ME3: variants seen among roughly 807,000 people sequenced by gnomAD.
The protein encoded by ME3 is NADP-dependent malic enzyme, mitochondrial.
ME3 carries 48 observed loss-of-function variants against 68.9 expected under a neutral mutation model. The ratio of observed to expected loss-of-function variants is 0.70; its 90% CI spans 0.55 to 0.89. ME3 has a LOEUF of 0.89. ME3 is among the 40% of genes least tolerant of loss of function. ME3 has a pLI of 0.00. For synonymous variants in ME3, 320 were observed against 318.8 expected (o/e 1.00, Z -0.04); for missense variants, 675 against 797.4 (o/e 0.85, Z 1.85).
chr11:86,632,664 ATG>A (rs1354526187), intron 2 of ME3, among the ~76,000 whole-genome samples: 1 of 152,164 alleles, frequency 6.6e-6, no homozygotes. Flanking sequence ...AACCTGCCAC[ATG>A]TGTGACAGCC....
intron 4 of ME3, among the ~76,000 whole-genome samples, chr11:86,510,734 C>A (rs1026342586): frequency 6.6e-6 from 1 of 152,156 alleles, no homozygotes; most frequent in Non-Finnish European, 1.5e-5. Flanking sequence ...CAAATGTCCC[C>A]TGGAGGAAAA....
At chr11:86,544,506 A>G (rs1026898255) in intron 4 of ME3, among the ~76,000 whole-genome samples, 4 of 152,260 alleles carry the variant, frequency 2.6e-5, no homozygotes, top group Non-Finnish European at 4.4e-5. Flanking sequence ...ACAAACTACC[A>G]TAAGAGAATA....
At chr11:86,460,931 C>T (rs1950196161) in intron 8 of ME3, among the ~76,000 whole-genome samples, 1 of 152,232 alleles carries the variant, frequency 6.6e-6, no homozygotes. Flanking sequence ...TCACAGGCTT[C>T]TGGCCTGGAC....
chr11:86,641,696 G>T (rs1329363643), intron 2 of ME3, among the ~76,000 whole-genome samples: 2 of 152,096 alleles, frequency 1.3e-5, no homozygotes, highest in Admixed American at 6.6e-5. Flanking sequence ...TAGTCTCCCA[G>T]GGATTTTTCA....
intron 7 of ME3, among the ~76,000 whole-genome samples, chr11:86,479,581 A>G (rs1473996270): frequency 6.6e-6 from 1 of 151,922 alleles, no homozygotes; most frequent in Non-Finnish European, 1.5e-5. Context: ...CTCATGATGT[A>G]CCTTCTATAT....
intron 2 of ME3, among the ~76,000 whole-genome samples, chr11:86,562,071 A>C (rs1957263534): frequency 6.6e-6 from 1 of 152,124 alleles, no homozygotes; most frequent in African/African-American, 2.4e-5. Context: ...TTACTTGTTC[A>C]TCTCTCTTTC....
intron 8 of ME3, among the ~76,000 whole-genome samples, chr11:86,451,198 T>C (rs1255831752): frequency 2.6e-5 from 4 of 152,214 alleles, no homozygotes; most frequent in African/African-American, 9.7e-5. Context: ...ACTACATTGA[T>C]TCATGAGCAG....
At chr11:86,448,294 G>A in intron 10 of ME3, 39 bp from the exon 11 acceptor site, 1 of 1,460,006 alleles carries the variant, frequency 6.8e-7, no homozygotes, top group Non-Finnish European at 9.6e-7. Flanking sequence ...TGGTCGTGAT[G>A]GCCTGTTGGG....
At chr11:86,571,688 T>G (rs1272122666) in intron 2 of ME3, among the ~76,000 whole-genome samples, 1 of 152,272 alleles carries the variant, frequency 6.6e-6, no homozygotes, top group East Asian at 1.9e-4. Flanking sequence ...AACTGCAGAC[T>G]CAGAACCCTG....
Position 86,527,413 on chromosome 11 carries a change from C to A in ME3, c.468-18546G>T, listed in dbSNP as rs370196580. Among the ~76,000 whole-genome samples the A allele has an allele frequency of 2.1e-4, 32 of 152,204 alleles. No homozygotes were observed. In the East Asian group the frequency reaches 4.6e-3, roughly 22 times the overall value. Reference sequence around the variant, plus strand: ...ACTGGTGTACCTGAAAGTGACGGGGCGAATGGAACCAAGTTGGAAAATACT... The same window carrying A: ...ACTGGTGTACCTGAAAGTGACGGGGAGAATGGAACCAAGTTGGAAAATACT... On this transcript the variant is annotated intron_variant, in intron 4 of 14. Transcript: ENST00000543262.
At chr11:86,638,884 C>T (rs1380555707) in intron 2 of ME3, among the ~76,000 whole-genome samples, 2 of 152,146 alleles carry the variant, frequency 1.3e-5, no homozygotes, top group Admixed American at 6.5e-5. Context: ...TTTACTCCCC[C>T]GACTTGCCTC....
chr11:86,556,405 C>T (rs1226329145), intron 4 of ME3, 148 bp downstream of exon 4: 1 of 996,212 alleles, frequency 1.0e-6, no homozygotes, highest in Non-Finnish European at 1.4e-6. Flanking sequence ...TTTTTCTGAG[C>T]AAGTGCTTGA....
chr11:86,453,321 A>G (rs1949740526), intron 8 of ME3, among the ~76,000 whole-genome samples: 2 of 152,172 alleles, frequency 1.3e-5, no homozygotes, highest in Non-Finnish European at 2.9e-5. Flanking sequence ...TGTTGTGTGG[A>G]AGTACACATG....
chr11:86,627,188 G>C (rs1943716843), intron 2 of ME3, among the ~76,000 whole-genome samples: 1 of 152,228 alleles, frequency 6.6e-6, no homozygotes, highest in South Asian at 2.1e-4. Flanking sequence ...TATTCTGAAA[G>C]CTCTGGAAAG....
intron 6 of ME3, among the ~76,000 whole-genome samples, chr11:86,491,944 T>C (rs1952035599): frequency 6.6e-6 from 1 of 152,232 alleles, no homozygotes; most frequent in African/African-American, 2.4e-5. Context: ...GGTAACCCTA[T>C]CTACAGAGGC....
chr11:86,506,923 G>C (rs566846133), intron 5 of ME3, among the ~76,000 whole-genome samples: 5 of 152,256 alleles, frequency 3.3e-5, no homozygotes, highest in Middle Eastern at 6.8e-3. Context: ...TCTGGGCCTG[G>C]GACCAAAACC....
At chr11:86,438,176 T>G (rs566487131), downstream of ME3, among the ~76,000 whole-genome samples, 1 of 152,338 alleles carries the variant, frequency 6.6e-6, no homozygotes, top group East Asian at 1.9e-4. Context: ...GTTTAGGGTT[T>G]TTTCATAAAT....
chr11:86,617,652 T>G lies in ME3; in HGVS notation c.183+54110A>C, dbSNP rs181116647. On this transcript the variant is annotated intron_variant, in intron 2 of 14. Transcript: ENST00000543262. ...TTAGAAAAACAATCTTGTAGAGAAT[T>G]GAAAATGGTCTGTGCTTGGCCTCTA... 9.5e-4 allele frequency among the ~76,000 whole-genome samples: 145 copies of G among 152,304 alleles called. No individual in the cohort carries two copies. The Middle Eastern group carries it at 0.014, about 14-fold the overall frequency.
At chr11:86,534,388 G>A (rs1955500910) in intron 4 of ME3, among the ~76,000 whole-genome samples, 1 of 151,730 alleles carries the variant, frequency 6.6e-6, no homozygotes, top group African/African-American at 2.4e-5. Context: ...ATAACACTTA[G>A]CTTAGGCTGG....
Sources: allele counts gnomAD v4.1 joint callset (sites outside exome capture counted in the v4.1 genomes callset), GRCh38; gene constraint gnomAD v4.1.1; transcripts MANE v1.5; gene names NCBI Gene and HGNC (gene_info 2026-07-23, HGNC 2026-07-21).